ACAN: variants seen among roughly 807,000 people sequenced by gnomAD.
The protein encoded by ACAN is aggrecan core protein.
Under a neutral mutation model 169.1 loss-of-function variants are expected in ACAN, and 47 were observed. The ratio of observed to expected loss-of-function variants is 0.28; its 90% confidence interval spans 0.22 to 0.35. The LOEUF (loss-of-function observed/expected upper bound fraction) is 0.35. ACAN is among the 10% of genes least tolerant of loss of function. The probability of loss-of-function intolerance (pLI) is 1.00; values close to 1 mark genes in which losing one functional copy is unlikely to be tolerated. For missense variants in ACAN, 2,716 were observed against 2,759.9 expected, an observed-to-expected ratio of 0.98 and a Z score of 0.36; for synonymous variants, 1,115 against 1,112.2, an observed-to-expected ratio of 1.00 and a Z score of -0.05.
intron 11 of ACAN, among the ~76,000 whole-genome samples, chr15:88,853,595 G>A (rs1170330631): frequency 3.3e-5 from 5 of 152,220 alleles, no homozygotes; most frequent in South Asian, 2.1e-4. Context: ...CCAAGATGGT[G>A]CCACCGCACT....
At chr15:88,865,702 A>G (rs1239966842) in intron 13 of ACAN, among the ~76,000 whole-genome samples, 4 of 152,126 alleles carry the variant, frequency 2.6e-5, no homozygotes, top group Non-Finnish European at 4.4e-5. Flanking sequence ...ATCACTCTGC[A>G]TTCACAGCAG....
chr15:88,817,024 T>TG (rs1425835751), intron 1 of ACAN, among the ~76,000 whole-genome samples: 2 of 152,236 alleles, frequency 1.3e-5, no homozygotes, highest in African/African-American at 4.8e-5. Context: ...CCCAGTCGGC[T>TG]GCCACCTTGG....
At position 88,807,415 on chromosome 15, in the gene ACAN, A is replaced by C. The variant is rs1895709558; in HGVS notation, c.-8+3606A>C. ...AGCCGCACTGCCGCCCTGATAACTT[A>C]AAGGAAGCCCCTTCAATGGGATGAA... On this transcript the variant is annotated intron_variant, in intron 1 of 18. Transcript: ENST00000560601. This position sits in a 1 kb window ranked among gnomAD's most constrained non-coding sequence, Gnocchi z 4.0. Among the ~76,000 whole-genome samples the C allele has an allele frequency of 6.6e-6, 1 of 152,160 alleles. No individual in the cohort carries two copies. The highest frequency in any genetic ancestry group is 1.5e-5 in the Non-Finnish European group (1 of 68,030).
rs1446013371 is a variant in ACAN at position 88,807,027 on chromosome 15, T to A, written c.-8+3218T>A. On this transcript the variant is annotated intron_variant, in intron 1 of 18. Transcript: ENST00000560601. This position sits in a 1 kb window ranked among gnomAD's most constrained non-coding sequence, Gnocchi z 4.0. ...TATATACAAATTTGATATTTGCATA[T>A]ATTTTTATTTAATTTTTTTTTTACT... 6.6e-6 allele frequency among the ~76,000 whole-genome samples: 1 copy of A among 151,350 alleles called. No individual in the cohort carries two copies. The highest frequency in any genetic ancestry group is 2.5e-5 in the African/African-American group (1 of 40,698).
At chr15:88,828,609 C>T (rs748564962) in intron 1 of ACAN, among the ~76,000 whole-genome samples, 2 of 152,136 alleles carry the variant, frequency 1.3e-5, no homozygotes, top group Non-Finnish European at 2.9e-5. Flanking sequence ...TGTGCATTGC[C>T]CTGGATGTTG....
chr15:88,820,017 T>TC (rs1355334102), intron 1 of ACAN, among the ~76,000 whole-genome samples: 1 of 152,090 alleles, frequency 6.6e-6, no homozygotes, highest in East Asian at 1.9e-4. Context: ...TGAGCCTCTG[T>TC]CCCCTTGGTT....
At position 88,850,616 on chromosome 15, in the gene ACAN, GT is replaced by G. The variant is rs1896908701; in HGVS notation, c.2026+888del. On this transcript the variant is annotated intron_variant, in intron 10 of 18. Coordinates refer to ENST00000560601, the MANE Select transcript of ACAN (RefSeq NM_001369268.1). ...GGGGAAAAAACTTGAGTGTCCCCAAGTTTCCCAGACATCCAGGGTCACCTTT... is the reference window on the plus strand; with the variant it reads ...GGGGAAAAAACTTGAGTGTCCCCAAGTTCCCAGACATCCAGGGTCACCTTT... The G allele has an allele frequency of 1.3e-5, 2 of 152,168 alleles. 1 individual carries two copies. Among genetic ancestry groups the G allele is most frequent in the Admixed American group, 1.3e-4 (2 of 15,280 alleles). 9.4% of individuals were successfully genotyped at this position (152,168 alleles called of 1,614,324 possible).
At chr15:88,815,416 G>A (rs1427449084) in intron 1 of ACAN, among the ~76,000 whole-genome samples, 1 of 151,862 alleles carries the variant, frequency 6.6e-6, no homozygotes, top group Non-Finnish European at 1.5e-5. Flanking sequence ...AAAATTAACT[G>A]GGTGAGGCAG....
In ACAN at chr15:88,855,450, T is replaced by A. The variant is rs772604061; in HGVS notation, c.2865T>A (p.Ser955Arg). The change falls in exon 12 of 19, where the codon AGT becomes AGA. Residue 955 changes from serine to arginine, a missense_variant. Ser to Arg is a moderately radical substitution (Grantham distance 110). Transcript: ENST00000560601. Reference sequence around the variant, plus strand: ...CTGCCTCTGGAGTTGGGGATCTCAGTGGACTTCCTTCTGGAGAAGTTCTAG... The same window carrying A: ...CTGCCTCTGGAGTTGGGGATCTCAGAGGACTTCCTTCTGGAGAAGTTCTAG... ...EGSASGVGDL[S>R]GLPSGEVLET... The A allele has an allele frequency of 6.2e-7, 1 of 1,613,796 alleles. No homozygotes were observed. Among genetic ancestry groups the A allele is most frequent in the East Asian group, 2.2e-5 (1 of 44,888 alleles).
At chr15:88,816,877 G>A (rs138158575) in intron 1 of ACAN, among the ~76,000 whole-genome samples, 5 of 152,268 alleles carry the variant, frequency 3.3e-5, no homozygotes, top group South Asian at 2.1e-4. Context: ...GGCTGTGAGC[G>A]AGAAAAACTT....
In ACAN at chr15:88,874,623, AT is replaced by A; in HGVS notation, c.*145del. On this transcript the variant is annotated 3_prime_UTR_variant, in exon 19 of 19. Transcript: ENST00000560601. The surrounding 1 kb of genome is among the most constrained non-coding windows in gnomAD (Gnocchi z 7.3). ...AAAGAAGGAAAAAAATAAATCCCAC[AT>A]TTGTGTATGCACCCACTCACCCCTC... The A allele has an allele frequency of 1.2e-6, 1 of 823,762 alleles. No homozygotes were observed. The highest frequency in any genetic ancestry group is 2.0e-6 in the Non-Finnish European group (1 of 497,278). 51.0% of individuals were successfully genotyped at this position (823,762 alleles called of 1,614,324 possible). A position where few individuals can be genotyped will look rare whatever the true frequency, so the allele number is the denominator to read the frequency against.
chr15:88,805,604 T>C (rs112219582), intron 1 of ACAN, among the ~76,000 whole-genome samples: 196 of 152,310 alleles, frequency 1.3e-3, no homozygotes, highest in African/African-American at 4.4e-3. Flanking sequence ...CTGTGCTCAA[T>C]GCTGGCCCAC....
chr15:88,841,644 T>C, intron 4 of ACAN, 96 bp from the exon 5 acceptor site: 4 of 1,470,800 alleles, frequency 2.7e-6, no homozygotes. Flanking sequence ...AATATTAAGT[T>C]GCTGTTTCCT....
intron 1 of ACAN, among the ~76,000 whole-genome samples, chr15:88,818,584 T>C (rs2141510071): frequency 6.6e-6 from 1 of 152,332 alleles, no homozygotes; most frequent in Non-Finnish European, 1.5e-5. Context: ...TCATACGATA[T>C]GGCCCTCATA....
intron 1 of ACAN, 128 bp downstream of exon 1, chr15:88,803,937 G>C (rs939603433): frequency 4.6e-5 from 7 of 152,332 alleles, no homozygotes; most frequent in African/African-American, 1.7e-4. Context: ...AGCTATGTGT[G>C]CCGGGGGCGC....
intron 1 of ACAN, among the ~76,000 whole-genome samples, chr15:88,806,522 G>T (rs1181187717): frequency 6.6e-6 from 1 of 152,002 alleles, no homozygotes; most frequent in Non-Finnish European, 1.5e-5. Flanking sequence ...GCTAATTTTT[G>T]TATTTGTAGT....
rs778564136 is a variant in ACAN, at chr15:88,803,782, C to G, written c.-35C>G. 4 of 152,198 alleles carry G rather than the reference C, an allele frequency of 2.6e-5. No individual in the cohort carries two copies. The highest frequency in any genetic ancestry group is 5.9e-5 in the Non-Finnish European group (4 of 68,062). 9.4% of individuals were successfully genotyped at this position (152,198 alleles called of 1,614,324 possible). On this transcript the variant is annotated 5_prime_UTR_variant, in exon 1 of 19. Transcript: ENST00000560601. The stretch of plus-strand genomic sequence containing the variant: ...TCGCCAGGTGTGTGGGACTGAAGTT[C>G]TTGGAGAAGGGAGTCCAACTCTTCA...
At chr15:88,818,644 G>C (rs540364580) in intron 1 of ACAN, among the ~76,000 whole-genome samples, 1 of 152,292 alleles carries the variant, frequency 6.6e-6, no homozygotes, top group African/African-American at 2.4e-5. Flanking sequence ...GTCTGACTCA[G>C]CAATGGAAGG....
At chr15:88,853,149 C>T (rs972005662) in intron 11 of ACAN, among the ~76,000 whole-genome samples, 2 of 152,132 alleles carry the variant, frequency 1.3e-5, no homozygotes, top group Non-Finnish European at 2.9e-5. Context: ...TCTTTGGCAT[C>T]GGGGTGTGAC....
Sources: gnomAD v4.1 joint callset for allele counts (sites outside exome capture counted in the v4.1 genomes callset) on GRCh38, gnomAD v4.1.1 for gene constraint, Gnocchi (gnomAD v3.1) non-coding constraint, MANE v1.5 for transcripts, NCBI Gene and HGNC (gene_info 2026-07-23, HGNC 2026-07-21) for gene names.